The following UNC13C variants were observed in gnomAD, a reference collection of about 807,000 sequenced individuals.
The protein encoded by UNC13C is unc-13 homolog C.
UNC13C carries 174 observed loss-of-function variants against 245.4 expected under a neutral mutation model. The ratio of observed to expected loss-of-function variants is 0.71; its 90% CI spans 0.63 to 0.80. The LOEUF (loss-of-function observed/expected upper bound fraction) is 0.80. Among genes scored for constraint, UNC13C ranks in the 30% least tolerant of loss-of-function variants. The probability of loss-of-function intolerance (pLI) is 0.00; values close to 1 mark genes in which losing one functional copy is unlikely to be tolerated. For missense variants in UNC13C, 2,829 were observed against 2,602.9 expected (o/e 1.09, Z -1.89); for synonymous variants, 992 against 895.1 (o/e 1.11, Z -1.93).
intron 10 of UNC13C, among the ~76,000 whole-genome samples, chr15:54,269,044 T>A (rs898488188): frequency 2.0e-4 from 29 of 146,234 alleles, no homozygotes; most frequent in African/African-American, 4.6e-4. Flanking sequence ...CTTTTTTTTT[T>A]TAATTTTTTA....
In UNC13C at chr15:54,321,922, T is replaced by C. The variant is rs2038170712; in HGVS notation, c.4269-17T>C. ...TAATTTCTGTCTTAAAAACACTTTA[T>C]GTTTTTTGTCTTTCAGGCACTTTTC... On this transcript the variant is annotated splice_polypyrimidine_tract_variant and intron_variant, in intron 13 of 32. Coordinates refer to ENST00000260323, the MANE Select transcript of UNC13C (RefSeq NM_001080534.3). 1.3e-6 allele frequency: 2 copies of C among 1,550,674 alleles called. No homozygotes were observed. The highest frequency in any genetic ancestry group is 2.7e-5 in the African/African-American group (2 of 73,102).
rs546807271 is a variant in UNC13C at position 54,376,908 on chromosome 15, G to A, written c.4714-16140G>A. Among the ~76,000 whole-genome samples, 45 of 152,268 alleles carry A rather than the reference G, an allele frequency of 3.0e-4. No homozygotes were observed. The South Asian group carries it at 8.5e-3, about 29-fold the overall frequency. ...AAGTGCCTTTGCAAATGTAACTAAG[G>A]TAATCATCTTGAGATGAGATCCTCC... On this transcript the variant is annotated intron_variant, in intron 17 of 32. Transcript: ENST00000260323.
intron 4 of UNC13C, among the ~76,000 whole-genome samples, chr15:54,203,041 G>T (rs1213903381): frequency 6.6e-6 from 1 of 151,528 alleles, no homozygotes; most frequent in Non-Finnish European, 1.5e-5. Context: ...TATAAAAATG[G>T]CAAAAATAAA....
Position 54,494,705 on chromosome 15 carries a change from C to T in UNC13C, c.5031C>T (p.Ala1677=). The change falls in exon 20 of 33, where the codon GCC becomes GCT. Residue 1677 remains alanine (A), a synonymous_variant. Transcript: ENST00000260323. Reference sequence around the variant, plus strand: ...ATGAATATGTGCGTGAACTTCCTGCCTTCAAGGATGCTGTTCCTGAATACT... The same window carrying T: ...ATGAATATGTGCGTGAACTTCCTGCTTTCAAGGATGCTGTTCCTGAATACT... The part of the protein sequence containing the change: ...FYNEYVRELP[A]FKDAVPEYSL... 1.2e-6 allele frequency: 2 copies of T among 1,610,584 alleles called. No homozygotes were observed. Among genetic ancestry groups the T allele is most frequent in the African/African-American group, 1.3e-5 (1 of 74,850 alleles).
At chr15:54,528,387 A>G (rs1895582594) in intron 25 of UNC13C, among the ~76,000 whole-genome samples, 1 of 151,988 alleles carries the variant, frequency 6.6e-6, no homozygotes, top group South Asian at 2.1e-4. Flanking sequence ...GTAAACAAAA[A>G]AATTCAGGAA....
At chr15:54,079,837 C>T (rs765308127) in intron 2 of UNC13C, among the ~76,000 whole-genome samples, 6 of 151,940 alleles carry the variant, frequency 3.9e-5, no homozygotes, top group South Asian at 2.1e-4. Context: ...CTAGGACTTC[C>T]GGTACTATGC....
At chr15:54,505,082 G>T (rs1055042698) in intron 22 of UNC13C, among the ~76,000 whole-genome samples, 2 of 152,042 alleles carry the variant, frequency 1.3e-5, no homozygotes, top group African/African-American at 2.4e-5. Flanking sequence ...TTGAATAGCA[G>T]CTCTTTATAG....
the UNC13C span, among the ~76,000 whole-genome samples, chr15:53,962,500 T>C: frequency 4.6e-5 from 7 of 152,278 alleles, no homozygotes; most frequent in East Asian, 1.4e-3. Flanking sequence ...TATATTCCAG[T>C]TCCACCCCTG....
the UNC13C span, among the ~76,000 whole-genome samples, chr15:53,971,339 TA>T: frequency 3.9e-5 from 6 of 152,170 alleles, no homozygotes; most frequent in African/African-American, 1.4e-4. Context: ...TATAAAACTA[TA>T]AAACCCCTAG....
At chr15:54,596,163 G>C (rs1212693783) in intron 30 of UNC13C, among the ~76,000 whole-genome samples, 1 of 152,150 alleles carries the variant, frequency 6.6e-6, no homozygotes, top group Admixed American at 6.5e-5. Context: ...CCAGAAATGT[G>C]TTAAGTTCCA....
the UNC13C span, chr15:53,912,359 T>A: frequency 6.6e-6 from 1 of 152,364 alleles, no homozygotes; most frequent in Non-Finnish European, 1.5e-5. Context: ...AACTGGAGGC[T>A]ATATGAGGAG....
chr15:54,082,635 C>T (rs1899014718), intron 2 of UNC13C, among the ~76,000 whole-genome samples: 1 of 152,114 alleles, frequency 6.6e-6, no homozygotes, highest in African/African-American at 2.4e-5. Context: ...TTGGAGTTGT[C>T]AAAACACTGT....
At chr15:54,207,288 G>A (rs1269410992) in intron 4 of UNC13C, among the ~76,000 whole-genome samples, 2 of 152,048 alleles carry the variant, frequency 1.3e-5, no homozygotes, top group East Asian at 3.9e-4. Context: ...CTCCCTCAAG[G>A]TGAGGGAGTT....
At chr15:54,471,619 G>C (rs1335808256) in intron 19 of UNC13C, among the ~76,000 whole-genome samples, 1 of 151,284 alleles carries the variant, frequency 6.6e-6, no homozygotes, top group Non-Finnish European at 1.5e-5. Context: ...GCTATATGTA[G>C]GTAGCATATA....
intron 17 of UNC13C, among the ~76,000 whole-genome samples, chr15:54,344,082 A>G (rs1362469548): frequency 1.3e-5 from 2 of 152,218 alleles, no homozygotes; most frequent in Non-Finnish European, 2.9e-5. Context: ...GCAGAAACTA[A>G]CATGGAAGTT....
intron 2 of UNC13C, among the ~76,000 whole-genome samples, chr15:54,128,149 C>G (rs1232801770): frequency 6.6e-6 from 1 of 152,048 alleles, no homozygotes; most frequent in Non-Finnish European, 1.5e-5. Flanking sequence ...AAATCAAGAA[C>G]ACAATCCCAT....
intron 2 of UNC13C, among the ~76,000 whole-genome samples, chr15:54,063,244 C>T (rs529640160): frequency 6.6e-6 from 1 of 152,102 alleles, no homozygotes; most frequent in Non-Finnish European, 1.5e-5. Flanking sequence ...TCTAACCTGG[C>T]TGATATGCTT....
chr15:54,272,628 CT>C (rs956817749), intron 10 of UNC13C, among the ~76,000 whole-genome samples: 2 of 151,904 alleles, frequency 1.3e-5, no homozygotes, highest in Admixed American at 6.6e-5. Flanking sequence ...ATTTATTTCT[CT>C]TTTTTTTCTA....
At position 53,982,476 on chromosome 15, in the gene UNC13C, C is replaced by T. The variant is rs988634502; in HGVS notation, c.-257+3549C>T. On this transcript the variant is annotated intron_variant, in intron 1 of 32. Coordinates refer to ENST00000260323, the MANE Select transcript of UNC13C (RefSeq NM_001080534.3). ...AATGGCTTAGGCACATTCCCTGAAG[C>T]ACGTTTCTGAAAGGGGGCACTGATG... Among the ~76,000 whole-genome samples the T allele has an allele frequency of 1.1e-4, 16 of 151,998 alleles. 1 individual carries two copies. The highest frequency in any genetic ancestry group is 2.2e-4 in the Non-Finnish European group (15 of 67,976).
Sources: allele counts gnomAD v4.1 joint callset (sites outside exome capture counted in the v4.1 genomes callset), GRCh38; gene constraint gnomAD v4.1.1; transcripts MANE v1.5; gene names NCBI Gene and HGNC (gene_info 2026-07-23, HGNC 2026-07-21).